The following ARL8B variants were observed in gnomAD, a reference collection of about 807,000 sequenced individuals.
The protein encoded by ARL8B is ADP-ribosylation factor-like protein 8B.
In ARL8B, 9 loss-of-function variants were observed where a neutral mutation model predicts 30.6. The observed-to-expected ratio is 0.29, with a 90% confidence interval of 0.18 to 0.51. The LOEUF (loss-of-function observed/expected upper bound fraction) is 0.51, where lower values mean the gene tolerates loss of function less well. Ranked by LOEUF, ARL8B falls within the 20% of genes least tolerant of loss-of-function variation. ARL8B has a pLI of 0.97. For synonymous variants in ARL8B, 74 were observed against 76.0 expected, an observed-to-expected ratio of 0.97 and a Z score of 0.14; for missense variants, 130 against 227.2, an observed-to-expected ratio of 0.57 and a Z score of 2.75.
intron 1 of ARL8B, among the ~76,000 whole-genome samples, chr3:5,135,769 T>TATTATTATTATC (rs2054319757): frequency 7.4e-5 from 4 of 53,834 alleles, no homozygotes; most frequent in African/African-American, 3.9e-4. Flanking sequence ...TTATTATTAT[T>TATTATTATTATC]ATTATTATTA....
At chr3:5,139,801 A>G (rs1416773668) in intron 1 of ARL8B, among the ~76,000 whole-genome samples, 1 of 152,170 alleles carries the variant, frequency 6.6e-6, no homozygotes, top group African/African-American at 2.4e-5. Context: ...AGAAGTAGTT[A>G]CTGGATGATG....
At chr3:5,144,581 G>A (rs976076654) in intron 1 of ARL8B, among the ~76,000 whole-genome samples, 5 of 152,142 alleles carry the variant, frequency 3.3e-5, no homozygotes, top group Non-Finnish European at 7.4e-5. Context: ...CCCACTTCCC[G>A]TTTTCAGTTT....
At chr3:5,142,061 G>T (rs745558161) in intron 1 of ARL8B, among the ~76,000 whole-genome samples, 1 of 152,124 alleles carries the variant, frequency 6.6e-6, no homozygotes, top group Admixed American at 6.6e-5. Flanking sequence ...TTCAGTGGCC[G>T]TGTGTGTTTT....
At chr3:5,128,214 CTTA>C (rs1046276758) in intron 1 of ARL8B, among the ~76,000 whole-genome samples, 10 of 146,768 alleles carry the variant, frequency 6.8e-5, no homozygotes, top group Non-Finnish European at 1.5e-4. Flanking sequence ...GATTGTATTG[CTTA>C]TTATTTAATT....
intron 6 of ARL8B, among the ~76,000 whole-genome samples, chr3:5,177,596 C>T (rs2054741573): frequency 6.6e-6 from 1 of 151,824 alleles, no homozygotes; most frequent in Non-Finnish European, 1.5e-5. Flanking sequence ...GCTGGGATTA[C>T]AGGCGCCCGC....
At chr3:5,138,996 C>G (rs2054350244) in intron 1 of ARL8B, among the ~76,000 whole-genome samples, 1 of 152,182 alleles carries the variant, frequency 6.6e-6, no homozygotes, top group Non-Finnish European at 1.5e-5. Flanking sequence ...ACTTGAGAAA[C>G]AGATGTCTCT....
chr3:5,144,694 C>T (rs1276222298), intron 1 of ARL8B, among the ~76,000 whole-genome samples: 1 of 152,212 alleles, frequency 6.6e-6, no homozygotes, highest in Non-Finnish European at 1.5e-5. Flanking sequence ...TAATTTCTTC[C>T]TCCAGGGAGG....
At chr3:5,176,722 T>G (rs559140057) in intron 6 of ARL8B, among the ~76,000 whole-genome samples, 1 of 152,196 alleles carries the variant, frequency 6.6e-6, no homozygotes, top group Non-Finnish European at 1.5e-5. Flanking sequence ...CTCAAGCACT[T>G]GTGGTTACTT....
At position 5,174,355 on chromosome 3, in the gene ARL8B, C is replaced by T; in HGVS notation, c.452C>T (p.Ala151Val). 5 of 1,603,062 alleles carry T rather than the reference C, an allele frequency of 3.1e-6. No homozygotes were observed. The highest frequency in any genetic ancestry group is 4.3e-6 in the Non-Finnish European group (5 of 1,170,430). ...AATTCTTCTCATAGGAATCTGTCTG[C>T]TATTCAGGATAGAGAAATTTGCTGC... Reference protein sequence around the residue: ...KQLIEKMNLSAIQDREICCYS... With the variant: ...KQLIEKMNLSVIQDREICCYS... Residue 151 changes from alanine to valine, a missense_variant, in exon 6 of 7, where the codon GCT becomes GTT. Ala to Val is a moderately conservative substitution (Grantham distance 64). Coordinates refer to ENST00000256496, the MANE Select transcript of ARL8B (RefSeq NM_018184.3).
In ARL8B at chr3:5,172,840, G is replaced by A. The variant is rs1575575332; in HGVS notation, c.372+100G>A. On this transcript the variant is annotated intron_variant, in intron 4 of 6. Coordinates refer to ENST00000256496, the MANE Select transcript of ARL8B (RefSeq NM_018184.3). ...TAATTATGTTTGAAATCAGTAACAT[G>A]TCTTCATTTTTAAAATCTGGAAAAC... The A allele has an allele frequency of 3.7e-5, 30 of 810,502 alleles. No homozygotes were observed. In the East Asian group the frequency reaches 8.7e-4, roughly 23 times the overall value. 50.2% of individuals were successfully genotyped at this position (810,502 alleles called of 1,614,324 possible). A position where few individuals can be genotyped will look rare whatever the true frequency, so the allele number is the denominator to read the frequency against.
intron 1 of ARL8B, among the ~76,000 whole-genome samples, chr3:5,149,531 C>T (rs982706119): frequency 1.3e-5 from 2 of 152,244 alleles, no homozygotes; most frequent in Non-Finnish European, 2.9e-5. Context: ...ACAAGTCCCT[C>T]CCCCAGTTCT....
At chr3:5,133,405 T>C (rs1160768716) in intron 1 of ARL8B, among the ~76,000 whole-genome samples, 1 of 152,090 alleles carries the variant, frequency 6.6e-6, no homozygotes, top group African/African-American at 2.4e-5. Flanking sequence ...TTGAGAGACA[T>C]TGAGGGAGAC....
intron 1 of ARL8B, among the ~76,000 whole-genome samples, chr3:5,165,725 TTATTG>T (rs1413110786): frequency 6.6e-6 from 1 of 152,190 alleles, no homozygotes; most frequent in Admixed American, 6.5e-5. Context: ...CTTTTCAAGT[TTATTG>T]TATTGTATTG....
intron 1 of ARL8B, among the ~76,000 whole-genome samples, chr3:5,155,505 GTC>G (rs1654380224): frequency 6.6e-6 from 1 of 152,024 alleles, no homozygotes; most frequent in Admixed American, 6.6e-5. Flanking sequence ...CCTATTATCT[GTC>G]TTCTTTTAGG....
intron 1 of ARL8B, among the ~76,000 whole-genome samples, chr3:5,139,298 T>A (rs751561005): frequency 7.2e-5 from 11 of 152,174 alleles, no homozygotes; most frequent in Non-Finnish European, 1.6e-4. Context: ...CAAAATAGTA[T>A]TTGTAAACAT....
At chr3:5,169,681 C>T (rs55833426) in intron 1 of ARL8B, among the ~76,000 whole-genome samples, 1 of 151,802 alleles carries the variant, frequency 6.6e-6, no homozygotes, top group Non-Finnish European at 1.5e-5. Context: ...AGTTCATTGG[C>T]CATTTATCTT....
rs138412095 is a variant in ARL8B, at chr3:5,176,362, C to T, written c.511+1948C>T. On this transcript the variant is annotated intron_variant, in intron 6 of 6. Coordinates refer to ENST00000256496, the MANE Select transcript of ARL8B (RefSeq NM_018184.3). ...TCTTGTGCCTCAGCCTCCTGAGTAG[C>T]TGGGATTACAGTTGCCCACTACCAC... Among the ~76,000 whole-genome samples the T allele has an allele frequency of 3.0e-3, 456 of 152,246 alleles. 1 individual carries two copies. Among genetic ancestry groups the T allele is most frequent in the African/African-American group, 0.011 (440 of 41,532 alleles).
intron 4 of ARL8B, 40 bp from the exon 5 acceptor site, chr3:5,173,977 T>C (rs1421508833): frequency 4.9e-6 from 7 of 1,432,240 alleles, no homozygotes; most frequent in Non-Finnish European, 6.9e-6. Context: ...TGACTTTTTC[T>C]TGCATAAACG....
intron 1 of ARL8B, among the ~76,000 whole-genome samples, chr3:5,124,363 C>G (rs1271514560): frequency 6.6e-6 from 1 of 150,606 alleles, no homozygotes; most frequent in Non-Finnish European, 1.5e-5. Flanking sequence ...GCCTCGGCCT[C>G]CCAAAGTGCT....
Sources: allele counts gnomAD v4.1 joint callset (sites outside exome capture counted in the v4.1 genomes callset), GRCh38; gene constraint gnomAD v4.1.1; transcripts MANE v1.5; gene names NCBI Gene and HGNC (gene_info 2026-07-23, HGNC 2026-07-21).